ZCWPW2: variants seen among roughly 807,000 people sequenced by gnomAD.
ZCWPW2 encodes zinc finger CW-type and PWWP domain containing 2, also known as zinc finger CW-type PWWP domain protein 2.
ZCWPW2 carries 45 observed loss-of-function variants against 46.6 expected under a neutral mutation model. The ratio of observed to expected loss-of-function variants is 0.96; its 90% CI spans 0.76 to 1.24. The LOEUF (loss-of-function observed/expected upper bound fraction) is 1.24. ZCWPW2 is among the 50% of genes most tolerant of loss of function. The pLI is 0.00. For missense variants in ZCWPW2, 429 were observed against 403.9 expected, an observed-to-expected ratio of 1.06 and a Z score of -0.53; for synonymous variants, 152 against 137.1, an observed-to-expected ratio of 1.11 and a Z score of -0.76.
At chr3:28,445,103 C>G (rs1316094093) in intron 4 of ZCWPW2, among the ~76,000 whole-genome samples, 1 of 151,068 alleles carries the variant, frequency 6.6e-6, no homozygotes, top group Non-Finnish European at 1.5e-5. Context: ...CTCCTGGTAC[C>G]AAAATCTATA....
At chr3:28,423,489 C>T (rs527844491) in intron 3 of ZCWPW2, among the ~76,000 whole-genome samples, 39 of 151,584 alleles carry the variant, frequency 2.6e-4, no homozygotes, top group African/African-American at 8.7e-4. Flanking sequence ...GTCTCAGCCT[C>T]CCGAGTAGCT....
At chr3:28,498,238 CGTGTGTGT>C (rs56760870) in intron 6 of ZCWPW2, among the ~76,000 whole-genome samples, 133 of 145,548 alleles carry the variant, frequency 9.1e-4, no homozygotes, top group African/African-American at 1.9e-3. Context: ...TACATATATA[CGTGTGTGT>C]GTGTGTGTGT....
At chr3:28,391,400 A>ACAC (rs1695485337) in intron 2 of ZCWPW2, among the ~76,000 whole-genome samples, 2 of 150,796 alleles carry the variant, frequency 1.3e-5, no homozygotes, top group African/African-American at 4.9e-5. Flanking sequence ...CACACACACA[A>ACAC]AGCCAATGAG....
At chr3:28,510,825 C>G (rs181998035) in intron 6 of ZCWPW2, among the ~76,000 whole-genome samples, 9 of 152,272 alleles carry the variant, frequency 5.9e-5, no homozygotes, top group Admixed American at 3.9e-4. Flanking sequence ...AGTCAAGGAT[C>G]TTCCATGAGA....
chr3:28,424,961 A>ATT (rs1696949021), intron 3 of ZCWPW2, among the ~76,000 whole-genome samples: 1 of 152,192 alleles, frequency 6.6e-6, no homozygotes, highest in Non-Finnish European at 1.5e-5. Context: ...CTTGTCTCTA[A>ATT]TTAACATTTT....
intron 3 of ZCWPW2, among the ~76,000 whole-genome samples, chr3:28,421,520 C>T (rs945221700): frequency 6.6e-6 from 1 of 152,046 alleles, no homozygotes; most frequent in African/African-American, 2.4e-5. Flanking sequence ...GCTAGGCTCC[C>T]CCTATCCTGG....
At position 28,408,622 on chromosome 3, in the gene ZCWPW2, C is replaced by G. The variant is rs193017336; in HGVS notation, c.-13-4434C>G. Among the ~76,000 whole-genome samples the G allele has an allele frequency of 2.3e-3, 348 of 152,252 alleles. 1 individual carries two copies. The highest frequency in any genetic ancestry group is 0.014 in the Middle Eastern group (4 of 292). ...GAAGCCCTCTTAAGTTATGGCATCTCCCACCTTTTCAGCAGGAGACCTCAC... is the reference window on the plus strand; with the variant it reads ...GAAGCCCTCTTAAGTTATGGCATCTGCCACCTTTTCAGCAGGAGACCTCAC... On this transcript the variant is annotated intron_variant, in intron 2 of 9. Transcript: ENST00000383768.
chr3:28,412,022 G>A (rs1398195545), intron 2 of ZCWPW2, among the ~76,000 whole-genome samples: 1 of 151,970 alleles, frequency 6.6e-6, no homozygotes, highest in Non-Finnish European at 1.5e-5. Flanking sequence ...AAAGCAATTT[G>A]CAGTGGCCCT....
intron 3 of ZCWPW2, among the ~76,000 whole-genome samples, chr3:28,431,858 T>C (rs1017170529): frequency 3.3e-5 from 5 of 152,282 alleles, no homozygotes; most frequent in African/African-American, 1.2e-4. Context: ...AAAAGAGGTT[T>C]AATTGACTCA....
intron 5 of ZCWPW2, among the ~76,000 whole-genome samples, chr3:28,486,083 T>G (rs1360178269): frequency 6.6e-6 from 1 of 152,170 alleles, no homozygotes; most frequent in Non-Finnish European, 1.5e-5. Flanking sequence ...ATACCAATTA[T>G]CAGTTATACT....
At chr3:28,452,466 T>A (rs902523797) in intron 4 of ZCWPW2, among the ~76,000 whole-genome samples, 1 of 152,010 alleles carries the variant, frequency 6.6e-6, no homozygotes, top group Non-Finnish European at 1.5e-5. Flanking sequence ...TGGCTAATTT[T>A]TGTAGTTTTA....
intron 1 of ZCWPW2, among the ~76,000 whole-genome samples, chr3:28,364,853 G>A (rs529114896): frequency 8.5e-5 from 13 of 152,058 alleles, no homozygotes; most frequent in South Asian, 4.2e-4. Context: ...TTTAATGATC[G>A]TCATTCTAAC....
At chr3:28,437,088 TC>T (rs1697529815) in intron 4 of ZCWPW2, among the ~76,000 whole-genome samples, 1 of 152,170 alleles carries the variant, frequency 6.6e-6, no homozygotes, top group East Asian at 1.9e-4. Context: ...AAATACATGC[TC>T]CCAACTTCAG....
At chr3:28,455,449 T>A (rs939692074) in intron 4 of ZCWPW2, among the ~76,000 whole-genome samples, 6 of 152,158 alleles carry the variant, frequency 3.9e-5, no homozygotes, top group Non-Finnish European at 8.8e-5. Context: ...GTTTACTCTG[T>A]TGATAGTTTC....
chr3:28,424,554 T>A (rs950878954), intron 3 of ZCWPW2, among the ~76,000 whole-genome samples: 2 of 152,158 alleles, frequency 1.3e-5, no homozygotes, highest in African/African-American at 4.8e-5. Context: ...AAGGTGGGCA[T>A]CTATAAGCCA....
chr3:28,370,847 C>G (rs931793475), intron 1 of ZCWPW2, among the ~76,000 whole-genome samples: 7 of 152,172 alleles, frequency 4.6e-5, no homozygotes, highest in Non-Finnish European at 1.0e-4. Flanking sequence ...ATTCTCCTGC[C>G]TCAGCCTCCT....
intron 1 of ZCWPW2, among the ~76,000 whole-genome samples, chr3:28,351,035 A>C (rs1704530032): frequency 6.6e-6 from 1 of 151,698 alleles, no homozygotes; most frequent in South Asian, 2.1e-4. Context: ...TCATCTAAAA[A>C]GCTGTGTCCA....
intron 4 of ZCWPW2, among the ~76,000 whole-genome samples, chr3:28,477,927 A>G (rs2125803680): frequency 6.6e-6 from 1 of 152,252 alleles, no homozygotes; most frequent in South Asian, 2.1e-4. Context: ...TTATTGGACT[A>G]GGTCAATTTA....
chr3:28,461,913 A>T (rs760752290), intron 4 of ZCWPW2, among the ~76,000 whole-genome samples: 6 of 152,226 alleles, frequency 3.9e-5, no homozygotes, highest in Admixed American at 6.5e-5. Context: ...CTATTCTAAT[A>T]TTCAAAGCCA....
Sources: allele counts gnomAD v4.1 joint callset (sites outside exome capture counted in the v4.1 genomes callset), GRCh38; gene constraint gnomAD v4.1.1; transcripts MANE v1.5; gene names NCBI Gene and HGNC (gene_info 2026-07-23, HGNC 2026-07-21).